DIMT1: variants seen among roughly 807,000 people sequenced by gnomAD.
DIMT1 encodes dimethyladenosine transferase.
Under a neutral mutation model 43.2 loss-of-function variants are expected in DIMT1, and 36 were observed. That is an observed-to-expected ratio of 0.83 (90% CI 0.64 to 1.10). The LOEUF (loss-of-function observed/expected upper bound fraction) is 1.10, where lower values mean the gene tolerates loss of function less well. Among genes scored for constraint, DIMT1 ranks in the 50% least tolerant of loss-of-function variants. DIMT1 has a pLI of 0.00. For synonymous variants in DIMT1, 126 were observed against 130.3 expected (o/e 0.97, Z 0.22); for missense variants, 341 against 385.3 (o/e 0.88, Z 0.96).
chr5:62,396,826 G>A (rs1449346121), intron 6 of DIMT1, among the ~76,000 whole-genome samples: 2 of 152,158 alleles, frequency 1.3e-5, no homozygotes. Context: ...TGCTTTGACT[G>A]GAGCCACTCC....
intron 2 of DIMT1, among the ~76,000 whole-genome samples, chr5:62,402,477 T>C (rs1318537296): frequency 6.6e-6 from 1 of 152,218 alleles, no homozygotes; most frequent in Non-Finnish European, 1.5e-5. Flanking sequence ...ACTGTACGTG[T>C]TGGGCGAAGA....
intron 3 of DIMT1, among the ~76,000 whole-genome samples, chr5:62,399,810 G>A (rs1427171405): frequency 6.6e-6 from 1 of 152,138 alleles, no homozygotes; most frequent in East Asian, 1.9e-4. Flanking sequence ...GGAGGCTGAA[G>A]CAGGAGAATT....
chr5:62,397,100 C>T (rs1175574636), intron 6 of DIMT1, among the ~76,000 whole-genome samples: 3 of 152,146 alleles, frequency 2.0e-5, no homozygotes, highest in Non-Finnish European at 4.4e-5. Flanking sequence ...TAGGTGCCCA[C>T]CACAATGCCC....
rs1337885818 is a variant in DIMT1, at chr5:62,403,702, C to T, written c.71G>A (p.Ser24Asn). ...CTCGCGGGGATCCGCACCTCCAGCG[C>T]TCTTCAGCTCCCGGCGCTGCTCCTG... ...GRQEQRRELK[S>N]AGGLMFNTGI... is the part of the protein sequence containing the mutation. Residue 24 changes from serine to asparagine, a missense_variant, in exon 1 of 12, where the codon AGC becomes AAC. Transcript: ENST00000199320. 2 of 1,608,770 alleles carry T rather than the reference C, an allele frequency of 1.2e-6. No homozygotes were observed. The highest frequency in any genetic ancestry group is 1.3e-5 in the African/African-American group (1 of 74,892).
At chr5:62,399,000 T>C (rs1260493408) in intron 3 of DIMT1, 119 bp from the exon 4 acceptor site, 2 of 839,572 alleles carry the variant, frequency 2.4e-6, no homozygotes, top group East Asian at 2.7e-5. Flanking sequence ...ATTTCTACCA[T>C]CAATATTCCT....
At chr5:62,403,465 G>A (rs1742783921) in intron 1 of DIMT1, 119 bp from the exon 2 acceptor site, 6 of 1,063,368 alleles carry the variant, frequency 5.6e-6, no homozygotes, top group Non-Finnish European at 5.8e-6. Flanking sequence ...GCCACGAAAC[G>A]TCACGCCAGG....
Position 62,387,310 on chromosome 5 carries a change from T to C in DIMT1, c.*1700A>G, listed in dbSNP as rs1363610285. On this transcript the variant is annotated 3_prime_UTR_variant, in exon 12 of 12. Coordinates refer to ENST00000199320, the MANE Select transcript of DIMT1 (RefSeq NM_014473.4). ...GAGGAAGGATGGAGAACTGTTACAA[T>C]TGACCTTGCAAAGGATATTTAAAAA... is the stretch of plus-strand genomic sequence containing the variant. 2.6e-5 allele frequency: 4 copies of C among 152,168 alleles called. No individual in the cohort carries two copies. The highest frequency in any genetic ancestry group is 2.6e-4 in the Admixed American group (4 of 15,286). The allele number at this position is 152,168 out of a possible 1,614,324, so 9.4% of individuals were successfully genotyped here. A position where few individuals can be genotyped will look rare whatever the true frequency, so the allele number is the denominator to read the frequency against.
chr5:62,403,654 C>G, intron 1 of DIMT1, 40 bp downstream of exon 1: 1 of 1,580,862 alleles, frequency 6.3e-7, no homozygotes, highest in Non-Finnish European at 8.6e-7. Context: ...GCCGGAAGAC[C>G]TGACCCGACC....
chr5:62,396,342 TA>T (rs1323491974), intron 6 of DIMT1, among the ~76,000 whole-genome samples: 3 of 151,180 alleles, frequency 2.0e-5, no homozygotes, highest in Non-Finnish European at 4.4e-5. Flanking sequence ...GACCCATCTC[TA>T]AAAAAAATAC....
intron 7 of DIMT1, 105 bp downstream of exon 7, chr5:62,394,379 T>C (rs1312214610): frequency 8.1e-7 from 1 of 1,240,882 alleles, no homozygotes; most frequent in South Asian, 1.3e-5. Flanking sequence ...AGAAGATTGC[T>C]TGAGTATGGG....
At chr5:62,392,695 G>T in intron 9 of DIMT1, 1 of 428,746 alleles carries the variant, frequency 2.3e-6, no homozygotes, top group South Asian at 4.7e-5. Context: ...CAGAGTTTGG[G>T]AGTGTTTTCC....
intron 3 of DIMT1, 41 bp from the exon 4 acceptor site, chr5:62,398,922 A>C (rs1311456459): frequency 2.1e-6 from 3 of 1,443,494 alleles, no homozygotes; most frequent in Non-Finnish European, 2.8e-6. Context: ...TTAATTATGG[A>C]ATATAAATCT....
chr5:62,400,077 G>A (rs982682166), intron 3 of DIMT1, among the ~76,000 whole-genome samples: 3 of 152,160 alleles, frequency 2.0e-5, no homozygotes, highest in Non-Finnish European at 4.4e-5. Context: ...AGTGTTGTTA[G>A]AGAAGAGCGT....
chr5:62,395,588 C>CA (rs75941055), intron 6 of DIMT1, among the ~76,000 whole-genome samples: 1 of 150,450 alleles, frequency 6.6e-6, no homozygotes, highest in Non-Finnish European at 1.5e-5. Flanking sequence ...CATGTGATTA[C>CA]AAAAAAAAAG....
intron 10 of DIMT1, chr5:62,391,506 G>C: frequency 5.9e-6 from 1 of 170,700 alleles, no homozygotes; most frequent in Non-Finnish European, 1.2e-5. Context: ...ATTATACTTA[G>C]GCAGATTATC....
intron 10 of DIMT1, chr5:62,391,659 A>AACAT (rs1276168740): frequency 1.8e-6 from 2 of 1,114,438 alleles, no homozygotes; most frequent in African/African-American, 3.3e-5. Flanking sequence ...AAAGATAGCA[A>AACAT]ACATCACATC....
At chr5:62,403,413 G>T (rs1742782073) in intron 1 of DIMT1, 67 bp from the exon 2 acceptor site, 1 of 1,471,406 alleles carries the variant, frequency 6.8e-7, no homozygotes, top group South Asian at 1.1e-5. Flanking sequence ...TACCAGAGAA[G>T]AAAGCTGCAT....
At chr5:62,395,999 G>T (rs1402005888) in intron 6 of DIMT1, among the ~76,000 whole-genome samples, 5 of 150,668 alleles carry the variant, frequency 3.3e-5, no homozygotes, top group African/African-American at 1.2e-4. Context: ...CTCAGAAAAA[G>T]AAAAAAAAGA....
intron 7 of DIMT1, 108 bp from the exon 8 acceptor site, chr5:62,394,155 A>T: frequency 9.6e-7 from 1 of 1,044,496 alleles, no homozygotes; most frequent in Non-Finnish European, 1.4e-6. Context: ...GGATGAATTA[A>T]GCTAGATTAT....
Sources: allele counts gnomAD v4.1 joint callset (sites outside exome capture counted in the v4.1 genomes callset), GRCh38; gene constraint gnomAD v4.1.1; transcripts MANE v1.5; gene names NCBI Gene and HGNC (gene_info 2026-07-23, HGNC 2026-07-21).